The following KDM5C variants were observed in gnomAD, a reference collection of about 807,000 sequenced individuals.
KDM5C encodes the protein lysine demethylase 5C, also known as lysine-specific demethylase 5C.
KDM5C carries 16 observed loss-of-function variants against 110.6 expected under a neutral mutation model. The ratio of observed to expected loss-of-function variants is 0.14; its 90% CI spans 0.10 to 0.22. KDM5C has a LOEUF of 0.22. Ranked by LOEUF, KDM5C falls within the 10% of genes least tolerant of loss-of-function variation. The pLI is 1.00. For synonymous variants in KDM5C, 511 were observed against 520.4 expected (o/e 0.98, Z 0.24); for missense variants, 681 against 1,300.9 (o/e 0.52, Z 7.33).
chrX:53,224,908 G>GC lies in KDM5C; in HGVS notation c.-20dup, dbSNP rs1556856232. 8.4e-7 allele frequency: 1 copy of GC among 1,197,447 alleles called. No individual in the cohort carries two copies. The highest frequency in any genetic ancestry group is 1.8e-5 in the South Asian group (1 of 55,269). ...GCTCCATGGTGGGCCCGAGGTCTGG[G>GC]CCAGGGATCGGGAGGCTTGGACCGC... On this transcript the variant is annotated 5_prime_UTR_variant, in exon 1 of 26. Coordinates refer to ENST00000375401, the MANE Select transcript of KDM5C (RefSeq NM_004187.5).
chrX:53,204,173 A>C (rs1308946387), intron 12 of KDM5C, among the ~76,000 whole-genome samples: 1 of 110,342 alleles, frequency 9.1e-6, no homozygotes, highest in Non-Finnish European at 1.9e-5. Flanking sequence ...GATCTAGCTA[A>C]GCCATTTAGT....
chrX:53,193,967 C>T (rs188081303), intron 23 of KDM5C, 116 bp from the exon 24 acceptor site: 1 of 947,273 alleles, frequency 1.1e-6, no homozygotes, highest in African/African-American at 1.9e-5. Context: ...AGGGAAGACA[C>T]AGGCTGCCAG....
chrX:53,197,080 C>T (rs782304236), intron 18 of KDM5C, 36 bp from the exon 19 acceptor site: 1 of 1,042,106 alleles, frequency 9.6e-7, no homozygotes, highest in Non-Finnish European at 1.3e-6. Flanking sequence ...AACTCCTCAG[C>T]TGGGCCCACT....
chrX:53,198,397 A>G, intron 17 of KDM5C, 93 bp downstream of exon 17: 1 of 1,056,422 alleles, frequency 9.5e-7, no homozygotes, highest in Non-Finnish European at 1.3e-6. Flanking sequence ...CCATTCTGCC[A>G]AATGGTATTC....
chrX:53,195,296 G>T lies in KDM5C; in HGVS notation c.3235C>A (p.His1079Asn). ...TTGGAGGCCTTCTCCCTCCAGGAGT[G>T]CGCTGTCAGTACCTGTAGCTCTAGC... ...RQLELQVLTA[H>N]SWREKASKTF... The change falls in exon 21 of 26, where the codon CAC becomes AAC. Residue 1079 changes from histidine (H) to asparagine (N), a missense_variant. By Grantham distance (68) the His-to-Asn change is moderately conservative. Transcript: ENST00000375401. 1 of 1,205,532 alleles carries T rather than the reference G, an allele frequency of 8.3e-7. No homozygotes were observed. The highest frequency in any genetic ancestry group is 1.1e-6 in the Non-Finnish European group (1 of 891,927).
chrX:53,206,141 G>A (rs1384472239), intron 12 of KDM5C, among the ~76,000 whole-genome samples: 1 of 112,365 alleles, frequency 8.9e-6, no homozygotes, highest in Non-Finnish European at 1.9e-5. Flanking sequence ...TATATTACTG[G>A]GCCATCAAAG....
At position 53,201,926 on chromosome X, in the gene KDM5C, G is replaced by A. The variant is rs35353912; in HGVS notation, c.1794C>T (p.Pro598=). Reference sequence around the variant, plus strand: ...GGTTGAAGCCGCTGTGGTAAGCACGGGGGAAGGTGATGACAAACTCTCCTG... The same window carrying A: ...GGTTGAAGCCGCTGTGGTAAGCACGAGGGAAGGTGATGACAAACTCTCCTG... The part of the protein sequence containing the change: ...QCAGEFVITF[P]RAYHSGFNQG... Residue 598 remains proline, a synonymous_variant, in exon 13 of 26, where the codon CCC becomes CCT. Coordinates refer to ENST00000375401, the MANE Select transcript of KDM5C (RefSeq NM_004187.5). The A allele has an allele frequency of 3.1e-3, 3,708 of 1,210,529 alleles. 4 individuals are homozygous for A. Among genetic ancestry groups the A allele is most frequent in the Non-Finnish European group, 3.8e-3 (3,394 of 895,307 alleles).
chrX:53,176,736 T>A (rs1933894786), intron 25 of KDM5C, among the ~76,000 whole-genome samples: 1 of 112,210 alleles, frequency 8.9e-6, no homozygotes, highest in South Asian at 3.7e-4. Flanking sequence ...CAGCTATATG[T>A]TAAAACGTGG....
rs2073728295 is a variant in KDM5C, at chrX:53,215,950, T to C, written c.808A>G (p.Thr270Ala). 8.3e-7 allele frequency: 1 copy of C among 1,210,200 alleles called. No homozygotes were observed. Among genetic ancestry groups the C allele is most frequent in the African/African-American group, 1.7e-5 (1 of 57,243 alleles). ...CCTAACTCCTCCTTCACCACTACTGTGGGGGGACACTCAGGCCCCTCCTTA... is the reference window on the plus strand; with the variant it reads ...CCTAACTCCTCCTTCACCACTACTGCGGGGGGACACTCAGGCCCCTCCTTA... ...KDKEGPECPPTVVVKEELGGD... is the reference protein window; with the variant it reads ...KDKEGPECPPAVVVKEELGGD... Residue 270 changes from threonine (T) to alanine (A), a missense_variant, in exon 7 of 26, where the codon ACA (threonine) becomes GCA (alanine). Thr to Ala is a moderately conservative substitution (Grantham distance 58). Around this residue, in one of 14 missense-constraint regions of KDM5C, gnomAD observed 71 missense variants for 115.0 expected, o/e 0.62. Transcript: ENST00000375401.
At chrX:53,183,776 T>C (rs1556827182) in intron 25 of KDM5C, among the ~76,000 whole-genome samples, 1 of 110,700 alleles carries the variant, frequency 9.0e-6, no homozygotes, top group African/African-American at 3.3e-5. Context: ...GGTTTCACCA[T>C]GTTGGCCAGG....
At chrX:53,197,288 CTTAA>C (rs1556838136) in intron 18 of KDM5C, among the ~76,000 whole-genome samples, 1 of 111,696 alleles carries the variant, frequency 9.0e-6, no homozygotes, top group Non-Finnish European at 1.9e-5. Flanking sequence ...CTGAGAGATT[CTTAA>C]TTAACTAATA....
At chrX:53,224,602 C>T (rs1358726461) in intron 1 of KDM5C, 138 bp downstream of exon 1, 3 of 790,209 alleles carry the variant, frequency 3.8e-6, no homozygotes, top group African/African-American at 4.1e-5. Context: ...ACCCTTTTTC[C>T]GATCCGCGCC....
chrX:53,213,276 T>C (rs1490659947), intron 8 of KDM5C, among the ~76,000 whole-genome samples: 3 of 111,865 alleles, frequency 2.7e-5, no homozygotes, highest in Admixed American at 9.5e-5. Flanking sequence ...CTTGATACTG[T>C]TGGTATCCAA....
rs1934678963 is a variant in KDM5C, at chrX:53,194,585, C to T, written c.3592G>A (p.Gly1198Arg). 5 of 1,211,872 alleles carry T rather than the reference C, an allele frequency of 4.1e-6. No individual in the cohort carries two copies. Among genetic ancestry groups the T allele is most frequent in the Non-Finnish European group, 5.6e-6 (5 of 895,394 alleles). The change falls in exon 23 of 26, where the codon GGA becomes AGA. Residue 1198 changes from glycine (G) to arginine (R), a missense_variant. Physicochemically the swap from Gly to Arg is moderately radical, Grantham distance 125. This residue lies in a region of KDM5C where 48 missense variants were observed against 59.7 expected (regional missense o/e 0.80). Coordinates refer to ENST00000375401, the MANE Select transcript of KDM5C (RefSeq NM_004187.5). ...TGACACAGGTCACACTGCAGAGCTC[C>T]CGCCCCAGCCAGCACCTGCCCACAC... The part of the protein sequence containing the change: ...CVCGQVLAGA[G>R]ALQCDLCQDW...
At chrX:53,181,799 T>G (rs2039480739) in intron 25 of KDM5C, among the ~76,000 whole-genome samples, 1 of 110,739 alleles carries the variant, frequency 9.0e-6, no homozygotes, top group African/African-American at 3.3e-5. Flanking sequence ...CAAACTTTTT[T>G]TTTTTTTGAG....
downstream of KDM5C, chrX:53,191,388 C>T (rs184684929): frequency 2.3e-5 from 4 of 173,395 alleles, no homozygotes; most frequent in African/African-American, 5.9e-5. Flanking sequence ...GGGTAAAGGA[C>T]GCCTAAGGGA....
At chrX:53,219,709 C>T (rs1031952725) in intron 2 of KDM5C, among the ~76,000 whole-genome samples, 5 of 112,289 alleles carry the variant, frequency 4.5e-5, no homozygotes, top group African/African-American at 9.7e-5. Flanking sequence ...AAAGAAACAA[C>T]CTACAGTTCC....
At chrX:53,217,580 T>C (rs1482584361) in intron 4 of KDM5C, among the ~76,000 whole-genome samples, 1 of 112,128 alleles carries the variant, frequency 8.9e-6, no homozygotes, top group Non-Finnish European at 1.9e-5. Flanking sequence ...GATTTCTCTA[T>C]CAGTTAAAAC....
In KDM5C at chrX:53,196,914, G is replaced by A; in HGVS notation, c.2753C>T (p.Ala918Val). 1 of 1,202,230 alleles carries A rather than the reference G, an allele frequency of 8.3e-7. No individual in the cohort carries two copies. Reference protein sequence around the residue: ...GRQLGVEVPEAQQLQRQVEQA... With the variant: ...GRQLGVEVPEVQQLQRQVEQA... ...TTCCACCTGCCGCTGGAGCTGCTGG[G>A]CCTCAGGCACCTCCACCCCCAGCTG... The change falls in exon 19 of 26, where the codon GCC becomes GTC. Residue 918 changes from alanine to valine, a missense_variant. Coordinates refer to ENST00000375401, the MANE Select transcript of KDM5C (RefSeq NM_004187.5).
Sources: allele counts gnomAD v4.1 joint callset (sites outside exome capture counted in the v4.1 genomes callset), GRCh38; gene constraint gnomAD v4.1.1; regional missense constraint gnomAD v4.1.1; transcripts MANE v1.5; gene names NCBI Gene and HGNC (gene_info 2026-07-23, HGNC 2026-07-21).